Variants in RBPMS observed in about 807,000 individuals in gnomAD.
The protein encoded by RBPMS is RNA binding protein, mRNA processing factor.
Under a neutral mutation model 26.8 loss-of-function variants are expected in RBPMS, and 7 were observed. The observed-to-expected ratio is 0.26, with a 90% CI of 0.15 to 0.49. The LOEUF is 0.49. Ranked by LOEUF, RBPMS falls within the 20% of genes least tolerant of loss-of-function variation. The probability of loss-of-function intolerance (pLI) is 0.98; values close to 1 mark genes in which losing one functional copy is unlikely to be tolerated. For synonymous variants in RBPMS, 96 were observed against 93.3 expected (o/e 1.03, Z -0.17); for missense variants, 186 against 250.0 (o/e 0.74, Z 1.73).
At chr8:30,429,344 A>C (rs1018638285) in intron 1 of RBPMS, among the ~76,000 whole-genome samples, 4 of 152,192 alleles carry the variant, frequency 2.6e-5, no homozygotes, top group African/African-American at 9.7e-5. Flanking sequence ...GCTTCTTGAA[A>C]GCTTTCCTGG....
chr8:30,497,398 G>T (rs1347005438), intron 4 of RBPMS, among the ~76,000 whole-genome samples: 2 of 152,056 alleles, frequency 1.3e-5, no homozygotes, highest in Non-Finnish European at 1.5e-5. Flanking sequence ...TAAAAAATCA[G>T]CTGGGCATGG....
At chr8:30,415,115 C>T (rs1480280890) in intron 1 of RBPMS, among the ~76,000 whole-genome samples, 2 of 152,162 alleles carry the variant, frequency 1.3e-5, no homozygotes, top group Non-Finnish European at 2.9e-5. Context: ...ATCCCCTTAT[C>T]CCCACCATCT....
chr8:30,546,311 C>G (rs1307558024), intron 6 of RBPMS, among the ~76,000 whole-genome samples: 1 of 152,178 alleles, frequency 6.6e-6, no homozygotes, highest in East Asian at 1.9e-4. Flanking sequence ...GCAACAAAGC[C>G]TTTCACCCTT....
At chr8:30,520,631 G>A (rs1363995094) in intron 5 of RBPMS, among the ~76,000 whole-genome samples, 1 of 152,070 alleles carries the variant, frequency 6.6e-6, no homozygotes, top group Non-Finnish European at 1.5e-5. Flanking sequence ...ACCTATCACT[G>A]TTAGAGTATA....
chr8:30,453,222 A>G (rs1252643471), intron 1 of RBPMS, among the ~76,000 whole-genome samples: 3 of 152,218 alleles, frequency 2.0e-5, no homozygotes, highest in Non-Finnish European at 4.4e-5. Flanking sequence ...AAGTTTGGGT[A>G]ACGGTTCATG....
chr8:30,549,756 C>T (rs1463523904), intron 6 of RBPMS, among the ~76,000 whole-genome samples: 7 of 112,150 alleles, frequency 6.2e-5, no homozygotes, highest in Non-Finnish European at 1.1e-4. Flanking sequence ...CTTTCCTTTT[C>T]TTTTCTTTTC....
At chr8:30,444,511 C>T (rs1296162195) in intron 1 of RBPMS, among the ~76,000 whole-genome samples, 2 of 152,174 alleles carry the variant, frequency 1.3e-5, no homozygotes, top group East Asian at 3.9e-4. Context: ...ATTTAGTAAG[C>T]ACCCTATAAA....
intron 5 of RBPMS, among the ~76,000 whole-genome samples, chr8:30,510,033 A>G (rs1365510794): frequency 6.6e-6 from 1 of 152,180 alleles, no homozygotes; most frequent in Non-Finnish European, 1.5e-5. Flanking sequence ...TTACCCCTTT[A>G]TCTTTAGGAC....
Position 30,474,847 on chromosome 8 carries a change from A to G in RBPMS, c.135A>G (p.Arg45=). The part of the protein sequence containing the change: ...IKPRELYLLF[R]PFKGYEGSLI... The stretch of plus-strand genomic sequence containing the variant: ...CTCGGGAGCTCTATCTGCTTTTCAG[A>G]CCATTTAAGGTACCTTTTTTTATCT... Residue 45 remains arginine, a synonymous_variant, in exon 2 of 9, where the codon AGA becomes AGG. Transcript: ENST00000397323. The G allele has an allele frequency of 1.2e-6, 2 of 1,602,962 alleles. No individual in the cohort carries two copies. Among genetic ancestry groups the G allele is most frequent in the Non-Finnish European group, 1.7e-6 (2 of 1,170,196 alleles).
intron 1 of RBPMS, among the ~76,000 whole-genome samples, chr8:30,464,545 C>G (rs568314678): frequency 6.6e-6 from 1 of 152,246 alleles, no homozygotes; most frequent in Non-Finnish European, 1.5e-5. Flanking sequence ...TTGTCTACTG[C>G]TAATATCAAA....
intron 5 of RBPMS, among the ~76,000 whole-genome samples, chr8:30,536,964 C>G (rs1027363929): frequency 3.3e-5 from 5 of 152,168 alleles, no homozygotes; most frequent in Non-Finnish European, 5.9e-5. Flanking sequence ...AATCCAGGCT[C>G]GCAGAGAGGC....
intron 5 of RBPMS, among the ~76,000 whole-genome samples, chr8:30,518,670 C>T (rs576003348): frequency 4.4e-5 from 5 of 114,664 alleles, no homozygotes; most frequent in East Asian, 2.6e-4. Context: ...TCCAGTGATC[C>T]GCCCGGCCAA....
intron 5 of RBPMS, among the ~76,000 whole-genome samples, chr8:30,507,336 C>T (rs1008670913): frequency 2.0e-5 from 3 of 152,158 alleles, no homozygotes; most frequent in African/African-American, 2.4e-5. Flanking sequence ...GTAAATAAAA[C>T]AATATCCCAG....
At chr8:30,567,564 G>A (rs890428312) in intron 8 of RBPMS, among the ~76,000 whole-genome samples, 4 of 152,134 alleles carry the variant, frequency 2.6e-5, no homozygotes, top group Non-Finnish European at 5.9e-5. Flanking sequence ...CTTCCTCCTG[G>A]GGATATTTAA....
chr8:30,551,305 C>G (rs1357315836), intron 6 of RBPMS, among the ~76,000 whole-genome samples: 1 of 152,212 alleles, frequency 6.6e-6, no homozygotes, highest in Non-Finnish European at 1.5e-5. Context: ...AGGCCCAGGC[C>G]TCTCCATGTT....
Position 30,518,687 on chromosome 8 carries a change from C to CTTTTTTTTTTTTTTTTTTTT in RBPMS, c.397+14260_397+14279dup. On this transcript the variant is annotated intron_variant, in intron 5 of 8. Coordinates refer to ENST00000397323, the MANE Select transcript of RBPMS (RefSeq NM_001008710.3). ...CAGTGATCCGCCCGGCCAAGCATGA[C>CTTTTTTTTTTTTTTTTTTTT]TTTTTTTTTTTTTTTTTTTTTTTTT... 1.5e-3 allele frequency among the ~76,000 whole-genome samples: 27 copies of CTTTTTTTTTTTTTTTTTTTT among 18,244 alleles called. 11 individuals carry two copies. The highest frequency in any genetic ancestry group is 1.8e-3 in the Non-Finnish European group (18 of 10,242). 12.0% of individuals were successfully genotyped at this position (18,244 alleles called of 152,430 possible).
chr8:30,463,471 ATAT>A (rs1816171295), intron 1 of RBPMS, among the ~76,000 whole-genome samples: 1 of 152,366 alleles, frequency 6.6e-6, no homozygotes, highest in East Asian at 1.9e-4. Flanking sequence ...TCGGGTTAAA[ATAT>A]TATCACAACA....
In RBPMS at chr8:30,549,562, C is replaced by T. The variant is rs147114264; in HGVS notation, c.528+4938C>T. The T allele has an allele frequency of 1.3e-4, 204 of 1,614,112 alleles. No homozygotes were observed. In the African/African-American group the frequency reaches 2.4e-3, roughly 19 times the overall value. On this transcript the variant is annotated intron_variant, in intron 6 of 8. Coordinates refer to ENST00000397323, the MANE Select transcript of RBPMS (RefSeq NM_001008710.3). ...TGAGCGCTCCGTCTCCTGATAGTGC[C>T]AGCCTGGCCTGGTTTCCTGTTTGGT...
chr8:30,478,304 T>C (rs533429206), intron 3 of RBPMS, among the ~76,000 whole-genome samples: 1 of 152,182 alleles, frequency 6.6e-6, no homozygotes, highest in Admixed American at 6.5e-5. Flanking sequence ...TAATAGTTCC[T>C]ACAAGCTTAG....
Sources: allele counts gnomAD v4.1 joint callset (sites outside exome capture counted in the v4.1 genomes callset), GRCh38; gene constraint gnomAD v4.1.1; transcripts MANE v1.5; gene names NCBI Gene and HGNC (gene_info 2026-07-23, HGNC 2026-07-21).